Variants in MACROD2 observed in about 807,000 individuals in gnomAD.
MACROD2 encodes the protein mono-ADP ribosylhydrolase 2.
In MACROD2, 36 loss-of-function variants were observed where a neutral mutation model predicts 70.4. That is an observed-to-expected ratio of 0.51 (90% confidence interval 0.39 to 0.68). MACROD2 has a LOEUF of 0.68. MACROD2 is among the 30% of genes least tolerant of loss of function. The pLI is 0.00. For missense variants in MACROD2, 496 were observed against 538.4 expected, an observed-to-expected ratio of 0.92 and a Z score of 0.78; for synonymous variants, 172 against 178.8, an observed-to-expected ratio of 0.96 and a Z score of 0.30.
intron 3 of MACROD2, among the ~76,000 whole-genome samples, chr20:14,268,358 C>A (rs1391142395): frequency 6.6e-6 from 1 of 152,094 alleles, no homozygotes; most frequent in Non-Finnish European, 1.5e-5. Context: ...GGTATCCAAA[C>A]AAATATCACG....
At chr20:15,239,183 G>A (rs1415843113) in intron 6 of MACROD2, among the ~76,000 whole-genome samples, 2 of 119,034 alleles carry the variant, frequency 1.7e-5, no homozygotes, top group African/African-American at 3.4e-5. Flanking sequence ...CAAATGTTCA[G>A]ATTTTTTTTT....
chr20:14,083,628 G>A (rs2054030561), intron 2 of MACROD2, among the ~76,000 whole-genome samples: 3 of 152,102 alleles, frequency 2.0e-5, no homozygotes, highest in Admixed American at 6.5e-5. Flanking sequence ...ATCTGGCAGA[G>A]ATAAATAGTA....
chr20:14,724,186 T>C (rs2071502107), intron 5 of MACROD2, among the ~76,000 whole-genome samples: 2 of 152,190 alleles, frequency 1.3e-5, no homozygotes, highest in Admixed American at 1.3e-4. Context: ...TAAGGTGTTT[T>C]TTTTTCCCAC....
intron 6 of MACROD2, among the ~76,000 whole-genome samples, chr20:15,296,966 T>C (rs1300235037): frequency 6.6e-6 from 1 of 151,846 alleles, no homozygotes. Flanking sequence ...GTTGGGGAGA[T>C]TTTTCCCAGC....
chr20:15,820,143 T>C (rs1018999335), intron 8 of MACROD2, among the ~76,000 whole-genome samples: 1 of 152,082 alleles, frequency 6.6e-6, no homozygotes, highest in Non-Finnish European at 1.5e-5. Flanking sequence ...ACAGTTAAAG[T>C]CTTTCCATTA....
intron 6 of MACROD2, among the ~76,000 whole-genome samples, chr20:15,387,506 C>G (rs552115247): frequency 6.6e-6 from 1 of 151,434 alleles, no homozygotes; most frequent in Admixed American, 6.6e-5. Context: ...CATTCCTTTT[C>G]CCCCCTTCCC....
chr20:14,040,854 G>T (rs1220944883), intron 2 of MACROD2, among the ~76,000 whole-genome samples: 1 of 152,190 alleles, frequency 6.6e-6, no homozygotes, highest in Admixed American at 6.5e-5. Flanking sequence ...GCACATGATT[G>T]TAGTGGGCAT....
chr20:15,807,334 G>T (rs1479966873), intron 8 of MACROD2, among the ~76,000 whole-genome samples: 1 of 152,176 alleles, frequency 6.6e-6, no homozygotes, highest in Non-Finnish European at 1.5e-5. Context: ...AAAATAATAA[G>T]GCTGTGGATC....
chr20:14,157,825 A>G (rs1345764742), intron 3 of MACROD2, among the ~76,000 whole-genome samples: 2 of 152,096 alleles, frequency 1.3e-5, no homozygotes, highest in Non-Finnish European at 2.9e-5. Context: ...CCATTCATCC[A>G]TTGATGGACA....
chr20:15,484,755 C>T (rs1434951498), intron 7 of MACROD2, among the ~76,000 whole-genome samples: 1 of 152,142 alleles, frequency 6.6e-6, no homozygotes, highest in African/African-American at 2.4e-5. Flanking sequence ...GCATGATAGC[C>T]CTGGATGAAT....
intron 12 of MACROD2, among the ~76,000 whole-genome samples, chr20:15,956,988 A>G (rs1252623831): frequency 6.6e-6 from 1 of 152,238 alleles, no homozygotes. Flanking sequence ...ATGCAAAAAT[A>G]TGAATGAATT....
chr20:14,320,034 A>G (rs1448948761), intron 3 of MACROD2, among the ~76,000 whole-genome samples: 1 of 152,180 alleles, frequency 6.6e-6, no homozygotes, highest in African/African-American at 2.4e-5. Context: ...TTAATTTATT[A>G]TCTAAACTGG....
chr20:15,701,242 A>C (rs1290228135), intron 8 of MACROD2, among the ~76,000 whole-genome samples: 1 of 152,218 alleles, frequency 6.6e-6, no homozygotes, highest in Non-Finnish European at 1.5e-5. Context: ...GGAAACCTGC[A>C]ATATTATCCG....
At position 15,149,926 on chromosome 20, in the gene MACROD2, T is replaced by A. The variant is rs1268234718; in HGVS notation, c.419-80014T>A. On this transcript the variant is annotated intron_variant, in intron 5 of 17. Transcript: ENST00000684519. Reference sequence around the variant, plus strand: ...AGATGAGTGGGGAAAGGATTTAGGATCTATGGGGTCAGCTAGGTTTCCTTT... The same window carrying A: ...AGATGAGTGGGGAAAGGATTTAGGAACTATGGGGTCAGCTAGGTTTCCTTT... 2.0e-5 allele frequency among the ~76,000 whole-genome samples: 3 copies of A among 151,960 alleles called. 1 individual carries two copies. The South Asian group carries it at 6.2e-4, about 32-fold the overall frequency.
At chr20:15,345,654 C>T (rs956900699) in intron 6 of MACROD2, among the ~76,000 whole-genome samples, 1 of 152,166 alleles carries the variant, frequency 6.6e-6, no homozygotes, top group African/African-American at 2.4e-5. Flanking sequence ...ATGTGGCTAA[C>T]GCGACTGAGG....
intron 8 of MACROD2, among the ~76,000 whole-genome samples, chr20:15,566,143 T>C (rs568264989): frequency 6.6e-6 from 1 of 152,238 alleles, no homozygotes; most frequent in East Asian, 1.9e-4. Flanking sequence ...AAAAATAATA[T>C]ATGCAGTTGA....
At chr20:15,696,053 G>T (rs2050363989) in intron 8 of MACROD2, among the ~76,000 whole-genome samples, 1 of 152,090 alleles carries the variant, frequency 6.6e-6, no homozygotes, top group African/African-American at 2.4e-5. Flanking sequence ...TTGTCTGATT[G>T]CTCCCTCTAG....
At chr20:14,549,246 G>A (rs532915919) in intron 4 of MACROD2, among the ~76,000 whole-genome samples, 40 of 152,248 alleles carry the variant, frequency 2.6e-4, no homozygotes, top group Non-Finnish European at 5.3e-4. Flanking sequence ...CTATATTTGG[G>A]GGGAGAGGAG....
At chr20:14,102,685 G>A (rs1231439556) in intron 3 of MACROD2, among the ~76,000 whole-genome samples, 1 of 152,164 alleles carries the variant, frequency 6.6e-6, no homozygotes, top group Middle Eastern at 3.2e-3. Context: ...ACTGTTGATA[G>A]CTGTCATTTA....
Sources: gnomAD v4.1 joint callset for allele counts (sites outside exome capture counted in the v4.1 genomes callset) on GRCh38, gnomAD v4.1.1 for gene constraint, MANE v1.5 for transcripts, NCBI Gene and HGNC (gene_info 2026-07-23, HGNC 2026-07-21) for gene names.